RALYL: variants seen among roughly 807,000 people sequenced by gnomAD.
The protein encoded by RALYL is RNA-binding Raly-like protein.
RALYL carries 29 observed loss-of-function variants against 35.1 expected under a neutral mutation model. The observed-to-expected ratio is 0.83, with a 90% confidence interval of 0.61 to 1.13. The LOEUF is 1.13. Among genes scored for constraint, RALYL ranks in the 50% most tolerant of loss-of-function variants. RALYL has a pLI of 0.00. For synonymous variants in RALYL, 120 were observed against 127.6 expected (o/e 0.94, Z 0.40); for missense variants, 359 against 360.4 (o/e 1.00, Z 0.03).
chr8:84,625,530 T>C (rs926971926), intron 2 of RALYL, among the ~76,000 whole-genome samples: 2 of 152,220 alleles, frequency 1.3e-5, no homozygotes, highest in South Asian at 4.1e-4. Context: ...CTTTAAATTC[T>C]GATTAGCATT....
chr8:84,337,026 G>A (rs1387301663), intron 1 of RALYL, among the ~76,000 whole-genome samples: 1 of 150,002 alleles, frequency 6.7e-6, no homozygotes, highest in African/African-American at 2.5e-5. Context: ...GTGTATCTAT[G>A]TATCTAGTTG....
At chr8:84,522,663 T>C (rs2058555795) in intron 1 of RALYL, among the ~76,000 whole-genome samples, 1 of 152,210 alleles carries the variant, frequency 6.6e-6, no homozygotes, top group Admixed American at 6.5e-5. Context: ...GTGACAACTT[T>C]AGTTTGTATT....
At chr8:84,213,165 C>A (rs1296494386) in intron 1 of RALYL, among the ~76,000 whole-genome samples, 1 of 151,952 alleles carries the variant, frequency 6.6e-6, no homozygotes, top group East Asian at 1.9e-4. Flanking sequence ...CCGAGGCGGG[C>A]GGGTCACCTG....
chr8:84,731,785 A>G (rs1846221586), intron 2 of RALYL, among the ~76,000 whole-genome samples: 3 of 152,106 alleles, frequency 2.0e-5, no homozygotes, highest in Non-Finnish European at 4.4e-5. Context: ...ATCGCTTTCT[A>G]TTGCCCTTTA....
At chr8:84,373,628 A>G (rs1286235096) in intron 1 of RALYL, among the ~76,000 whole-genome samples, 1 of 151,886 alleles carries the variant, frequency 6.6e-6, no homozygotes, top group Non-Finnish European at 1.5e-5. Context: ...TGTCCCTTCA[A>G]TATAGTTTGA....
At chr8:84,672,871 C>T (rs2131845763) in intron 2 of RALYL, among the ~76,000 whole-genome samples, 1 of 152,232 alleles carries the variant, frequency 6.6e-6, no homozygotes, top group South Asian at 2.1e-4. Flanking sequence ...AGGGCACAAC[C>T]AAACCATATC....
intron 2 of RALYL, among the ~76,000 whole-genome samples, chr8:84,697,635 T>G (rs1467604675): frequency 1.3e-5 from 2 of 152,096 alleles, no homozygotes; most frequent in East Asian, 3.9e-4. Context: ...AGGTTTGTTA[T>G]ACAGGTAAAC....
At chr8:84,503,346 C>G (rs1425468879) in intron 1 of RALYL, among the ~76,000 whole-genome samples, 3 of 147,868 alleles carry the variant, frequency 2.0e-5, no homozygotes, top group Non-Finnish European at 4.5e-5. Context: ...TTTTAACAGA[C>G]AGGGTATCAC....
At chr8:84,865,752 G>T (rs1326684556) in intron 6 of RALYL, among the ~76,000 whole-genome samples, 4 of 152,110 alleles carry the variant, frequency 2.6e-5, no homozygotes, top group Non-Finnish European at 5.9e-5. Flanking sequence ...TTTCTTTAAA[G>T]AATTAATTTA....
chr8:84,353,630 T>C (rs1851312967), intron 1 of RALYL, among the ~76,000 whole-genome samples: 2 of 150,278 alleles, frequency 1.3e-5, no homozygotes, highest in Admixed American at 1.3e-4. Flanking sequence ...TCATTTTTTG[T>C]TCACAGCACG....
intron 2 of RALYL, among the ~76,000 whole-genome samples, chr8:84,729,409 T>G (rs1845673666): frequency 6.6e-6 from 1 of 152,012 alleles, no homozygotes; most frequent in South Asian, 2.1e-4. Context: ...TTTATAGCAC[T>G]TAATGCCCAC....
At chr8:84,852,301 A>G (rs1049175778) in intron 5 of RALYL, among the ~76,000 whole-genome samples, 3 of 152,198 alleles carry the variant, frequency 2.0e-5, no homozygotes, top group African/African-American at 7.2e-5. Context: ...AATCTTTAAG[A>G]ATGATTTTCT....
chr8:84,601,890 G>A (rs1185280649), intron 2 of RALYL, among the ~76,000 whole-genome samples: 4 of 152,016 alleles, frequency 2.6e-5, no homozygotes, highest in Non-Finnish European at 5.9e-5. Flanking sequence ...TCCTTGATTT[G>A]TATAACTCCA....
At chr8:84,603,159 C>A (rs913290003) in intron 2 of RALYL, among the ~76,000 whole-genome samples, 2 of 151,926 alleles carry the variant, frequency 1.3e-5, no homozygotes, top group African/African-American at 4.8e-5. Flanking sequence ...GGTAAAGAAT[C>A]TGGAAGTTTC....
At chr8:84,653,526 T>C (rs1393725203) in intron 2 of RALYL, among the ~76,000 whole-genome samples, 1 of 152,074 alleles carries the variant, frequency 6.6e-6, no homozygotes, top group Admixed American at 6.6e-5. Flanking sequence ...GTCCCTCTAT[T>C]TGGTATACTT....
At chr8:84,204,788 CAT>C (rs1214679005) in intron 1 of RALYL, among the ~76,000 whole-genome samples, 2 of 152,118 alleles carry the variant, frequency 1.3e-5, no homozygotes, top group Non-Finnish European at 2.9e-5. Context: ...ACTCTGAAGA[CAT>C]AATTTCAGTA....
intron 8 of RALYL, among the ~76,000 whole-genome samples, chr8:84,893,841 C>A (rs1489715379): frequency 6.6e-6 from 1 of 152,164 alleles, no homozygotes. Context: ...AATTACTTTT[C>A]CTTTTGCTGA....
rs1587083424 is a variant in RALYL, at chr8:84,900,671, G to T, written c.858+12895G>T. Among the ~76,000 whole-genome samples, 5 of 151,164 alleles carry T rather than the reference G, an allele frequency of 3.3e-5. No individual in the cohort carries two copies. The East Asian group carries it at 9.8e-4, about 30-fold the overall frequency. On this transcript the variant is annotated intron_variant, in intron 8 of 8. Coordinates refer to ENST00000521268, the MANE Select transcript of RALYL (RefSeq NM_173848.7). ...TCCAGCCTGGGCAACAAGAGCGAAAGTTTGTCTTAAAAAAAAAAAAATTCT... is the reference window on the plus strand; with the variant it reads ...TCCAGCCTGGGCAACAAGAGCGAAATTTTGTCTTAAAAAAAAAAAAATTCT...
intron 2 of RALYL, among the ~76,000 whole-genome samples, chr8:84,698,854 C>T (rs1324555034): frequency 6.6e-6 from 1 of 152,124 alleles, no homozygotes; most frequent in Non-Finnish European, 1.5e-5. Context: ...TGGTCCCCAC[C>T]ATTGTCCTGA....
Sources: gnomAD v4.1 joint callset for allele counts (sites outside exome capture counted in the v4.1 genomes callset) on GRCh38, gnomAD v4.1.1 for gene constraint, MANE v1.5 for transcripts, NCBI Gene and HGNC (gene_info 2026-07-23, HGNC 2026-07-21) for gene names.